Variants in MYO16 observed in about 807,000 individuals in gnomAD.
MYO16 encodes unconventional myosin-XVI.
Under a neutral mutation model 205.3 loss-of-function variants are expected in MYO16, and 94 were observed. That is an observed-to-expected ratio of 0.46 (90% CI 0.39 to 0.54). The LOEUF (loss-of-function observed/expected upper bound fraction) is 0.54. Ranked by LOEUF, MYO16 falls within the 20% of genes least tolerant of loss-of-function variation. MYO16 has a pLI of 0.00. For synonymous variants in MYO16, 988 were observed against 954.0 expected (o/e 1.04, Z -0.66); for missense variants, 2,315 against 2,387.5 (o/e 0.97, Z 0.63).
In MYO16 at chr13:109,014,980, C is replaced by A. The variant is rs573080361; in HGVS notation, c.2596-4731C>A. On this transcript the variant is annotated intron_variant, in intron 22 of 34. Coordinates refer to ENST00000457511, the MANE Select transcript of MYO16 (RefSeq NM_001198950.3). ...TATTTCCCTTGCCTGATTGCCCTGGCAGAACTTCCAACAATATGTTGAATA... is the reference window on the plus strand; with the variant it reads ...TATTTCCCTTGCCTGATTGCCCTGGAAGAACTTCCAACAATATGTTGAATA... Among the ~76,000 whole-genome samples, 33 of 152,230 alleles carry A rather than the reference C, an allele frequency of 2.2e-4. 1 individual carries two copies. The South Asian group carries it at 6.6e-3, about 31-fold the overall frequency.
chr13:108,626,351 T>C (rs145103808), upstream of MYO16, among the ~76,000 whole-genome samples: 101 of 152,354 alleles, frequency 6.6e-4, 1 homozygote, highest in African/African-American at 2.0e-3. Flanking sequence ...TTTATGCGTT[T>C]GAAAATTTTC....
chr13:108,570,100 C>T, the MYO16 span, among the ~76,000 whole-genome samples: 1 of 152,016 alleles, frequency 6.6e-6, no homozygotes, highest in Non-Finnish European at 1.5e-5. Flanking sequence ...TTATTATGAT[C>T]TCTGCCTGAT....
rs72652169 is a variant in MYO16 at position 108,811,111 on chromosome 13, T to G, written c.867+4307T>G. On this transcript the variant is annotated intron_variant, in intron 7 of 34. Coordinates refer to ENST00000457511, the MANE Select transcript of MYO16 (RefSeq NM_001198950.3). ...GAATTGGCAATACTACACCCAAAGA[T>G]AAAAAAATATTTGTACAAATGCTGG... Among the ~76,000 whole-genome samples the G allele has an allele frequency of 8.8e-3, 1,345 of 152,286 alleles. 17 individuals carry two copies. Among genetic ancestry groups the G allele is most frequent in the Admixed American group, 0.032 (496 of 15,286 alleles).
intron 12 of MYO16, among the ~76,000 whole-genome samples, chr13:108,875,701 C>T (rs927037664): frequency 6.6e-6 from 1 of 151,970 alleles, no homozygotes. Context: ...AATTTAAAAA[C>T]CCTAGCCAGC....
At chr13:108,595,448 A>G (rs1379728189), upstream of MYO16, among the ~76,000 whole-genome samples, 1 of 152,166 alleles carries the variant, frequency 6.6e-6, no homozygotes, top group Non-Finnish European at 1.5e-5. Context: ...AAGTTCAAAA[A>G]CAATTTTGCA....
chr13:109,196,746 G>C (rs374051557), intron 34 of MYO16, among the ~76,000 whole-genome samples: 2 of 152,122 alleles, frequency 1.3e-5, no homozygotes, highest in East Asian at 3.9e-4. Flanking sequence ...TTCTTTGGAC[G>C]TCAGGTTTTC....
At chr13:108,837,021 C>T (rs529195002) in intron 9 of MYO16, among the ~76,000 whole-genome samples, 2 of 152,112 alleles carry the variant, frequency 1.3e-5, no homozygotes, top group African/African-American at 4.8e-5. Context: ...TGGGAGGGGC[C>T]GGGGTGAAAT....
chr13:108,968,807 C>G (rs1351905526), intron 20 of MYO16, among the ~76,000 whole-genome samples: 1 of 152,148 alleles, frequency 6.6e-6, no homozygotes, highest in Non-Finnish European at 1.5e-5. Flanking sequence ...GGCCAGTGCC[C>G]TCTTAGAGCT....
chr13:108,549,756 T>C, the MYO16 span, among the ~76,000 whole-genome samples: 2 of 151,934 alleles, frequency 1.3e-5, no homozygotes, highest in Non-Finnish European at 2.9e-5. Flanking sequence ...ATAATATAAA[T>C]AATGAGAAAA....
Position 109,088,248 on chromosome 13 carries a change from T to G in MYO16, c.3336-12537T>G, listed in dbSNP as rs371358879. 6.6e-5 allele frequency among the ~76,000 whole-genome samples: 10 copies of G among 152,292 alleles called. No homozygotes were observed. In the East Asian group the frequency reaches 1.4e-3, roughly 21 times the overall value. ...TGTGTTGAAAAATATCCTAGGGCTGTATGGGAAGCAAGTACAAACCTGGCT... is the reference window on the plus strand; with the variant it reads ...TGTGTTGAAAAATATCCTAGGGCTGGATGGGAAGCAAGTACAAACCTGGCT... On this transcript the variant is annotated intron_variant, in intron 27 of 34. Coordinates refer to ENST00000457511, the MANE Select transcript of MYO16 (RefSeq NM_001198950.3).
intron 31 of MYO16, among the ~76,000 whole-genome samples, chr13:109,130,691 G>C (rs1314003710): frequency 6.6e-6 from 1 of 152,144 alleles, no homozygotes; most frequent in Non-Finnish European, 1.5e-5. Flanking sequence ...CAGGGTTCTG[G>C]TCCCTTCTGT....
chr13:109,057,126 G>T (rs139436526), intron 27 of MYO16, among the ~76,000 whole-genome samples: 1 of 152,188 alleles, frequency 6.6e-6, no homozygotes, highest in Admixed American at 6.5e-5. Context: ...ATATTTAAAC[G>T]ATGACTAAAA....
At chr13:108,591,128 G>T in the MYO16 span, among the ~76,000 whole-genome samples, 1 of 152,054 alleles carries the variant, frequency 6.6e-6, no homozygotes, top group African/African-American at 2.4e-5. Flanking sequence ...CTTAGAAGAA[G>T]TCCCAGGTCC....
intron 30 of MYO16, among the ~76,000 whole-genome samples, chr13:109,126,805 A>G (rs1876272517): frequency 6.6e-6 from 1 of 152,206 alleles, no homozygotes; most frequent in South Asian, 2.1e-4. Context: ...TAAATTTCTG[A>G]GAGTTTTAAG....
intron 27 of MYO16, among the ~76,000 whole-genome samples, chr13:109,058,559 T>C (rs66608056): frequency 0.063 from 9,563 of 152,244 alleles, 340 homozygotes; most frequent in Non-Finnish European, 0.083. Context: ...AAACACAATA[T>C]GATACCTTAA....
chr13:109,098,859 G>A (rs1268340744), intron 27 of MYO16, among the ~76,000 whole-genome samples: 1 of 152,106 alleles, frequency 6.6e-6, no homozygotes, highest in Non-Finnish European at 1.5e-5. Flanking sequence ...GTTCATTGTT[G>A]TTGCATAGAA....
At chr13:108,581,770 A>G in the MYO16 span, among the ~76,000 whole-genome samples, 1 of 151,854 alleles carries the variant, frequency 6.6e-6, no homozygotes, top group Non-Finnish European at 1.5e-5. Flanking sequence ...CCTGTATTCC[A>G]GCTACTCGGG....
At chr13:108,945,071 A>G (rs1361734882) in intron 16 of MYO16, among the ~76,000 whole-genome samples, 1 of 152,200 alleles carries the variant, frequency 6.6e-6, no homozygotes, top group Non-Finnish European at 1.5e-5. Context: ...CAGGTTTTAA[A>G]TATTTTGTAT....
At chr13:108,758,751 C>T (rs931863224) in intron 4 of MYO16, among the ~76,000 whole-genome samples, 1 of 152,124 alleles carries the variant, frequency 6.6e-6, no homozygotes, top group African/African-American at 2.4e-5. Flanking sequence ...GATGTTCATA[C>T]ACATTTAAAC....
Sources: allele counts gnomAD v4.1 joint callset (sites outside exome capture counted in the v4.1 genomes callset), GRCh38; gene constraint gnomAD v4.1.1; transcripts MANE v1.5; gene names NCBI Gene and HGNC (gene_info 2026-07-23, HGNC 2026-07-21).